SLC60A2: variants seen among roughly 807,000 people sequenced by gnomAD.
The protein encoded by SLC60A2 is major facilitator superfamily domain containing 4B.
chr6:111,264,584 C>T, the SLC60A2 span, among the ~76,000 whole-genome samples: 3 of 152,046 alleles, frequency 2.0e-5, no homozygotes, highest in Admixed American at 1.3e-4. Flanking sequence ...GTCAGGAGAT[C>T]GAGACCATCC....
At chr6:111,279,323 G>A in the SLC60A2 span, among the ~76,000 whole-genome samples, 2 of 150,362 alleles carry the variant, frequency 1.3e-5, no homozygotes, top group African/African-American at 2.5e-5. Flanking sequence ...GTGCAGTGGC[G>A]CTATCTCAGC....
the SLC60A2 span, among the ~76,000 whole-genome samples, chr6:111,274,246 A>G: frequency 6.6e-6 from 1 of 152,208 alleles, no homozygotes; most frequent in Non-Finnish European, 1.5e-5. Flanking sequence ...TCTCTTTATC[A>G]TTATATAATG....
the SLC60A2 span, chr6:111,259,761 G>C: frequency 6.4e-7 from 1 of 1,553,266 alleles, no homozygotes; most frequent in Non-Finnish European, 8.7e-7. Flanking sequence ...CCCAGGCCGG[G>C]GCGTTCGAGT....
chr6:111,271,748 G>C, the SLC60A2 span, among the ~76,000 whole-genome samples: 1 of 107,192 alleles, frequency 9.3e-6, no homozygotes, highest in African/African-American at 3.5e-5. Context: ...GACCAGTCTG[G>C]CCAACATGGC....
chr6:111,267,068 T>G, the SLC60A2 span: 1 of 1,612,836 alleles, frequency 6.2e-7, no homozygotes, highest in South Asian at 1.1e-5. Flanking sequence ...ATACTGGCAG[T>G]GCCCATGTGA....
At chr6:111,271,511 G>A in the SLC60A2 span, among the ~76,000 whole-genome samples, 1 of 151,802 alleles carries the variant, frequency 6.6e-6, no homozygotes, top group Non-Finnish European at 1.5e-5. Flanking sequence ...CTTGAATTTT[G>A]TGTCTAAAGT....
the SLC60A2 span, among the ~76,000 whole-genome samples, chr6:111,279,104 G>A: frequency 3.3e-5 from 5 of 152,074 alleles, no homozygotes; most frequent in Non-Finnish European, 4.4e-5. Context: ...CCAATCCCCC[G>A]TAATTGTAAT....
At chr6:111,272,105 C>G in the SLC60A2 span, among the ~76,000 whole-genome samples, 1 of 152,186 alleles carries the variant, frequency 6.6e-6, no homozygotes, top group African/African-American at 2.4e-5. Context: ...CAGGCTCAAG[C>G]AGTCCTCCTA....
At chr6:111,266,802 C>T in the SLC60A2 span, 9 of 1,613,764 alleles carry the variant, frequency 5.6e-6, no homozygotes, top group Middle Eastern at 1.6e-4. Context: ...ACCTCTTGAT[C>T]GCCAGCGAAA....
chr6:111,277,202 C>T, the SLC60A2 span, among the ~76,000 whole-genome samples: 3 of 152,310 alleles, frequency 2.0e-5, no homozygotes, highest in East Asian at 1.9e-4. Flanking sequence ...TATTGGTAAT[C>T]GATACCTGAA....
the SLC60A2 span, among the ~76,000 whole-genome samples, chr6:111,264,787 C>CAA: frequency 2.6e-4 from 31 of 121,000 alleles, no homozygotes; most frequent in African/African-American, 6.5e-4. Flanking sequence ...GACTCCATCT[C>CAA]AAAAAAAAAA....
chr6:111,274,133 GGT>G, the SLC60A2 span, among the ~76,000 whole-genome samples: 1 of 152,150 alleles, frequency 6.6e-6, no homozygotes, highest in Non-Finnish European at 1.5e-5. Context: ...TGGGATTACA[GGT>G]GTGAGAGCCC....
At chr6:111,273,211 C>T in the SLC60A2 span, among the ~76,000 whole-genome samples, 1 of 152,172 alleles carries the variant, frequency 6.6e-6, no homozygotes, top group African/African-American at 2.4e-5. Flanking sequence ...AGTGCAGTCG[C>T]CTAATCATGG....
chr6:111,261,291 A>T, the SLC60A2 span, among the ~76,000 whole-genome samples: 1 of 152,336 alleles, frequency 6.6e-6, no homozygotes, highest in African/African-American at 2.4e-5. Flanking sequence ...GTTTAACAAC[A>T]TAAAAAACAG....
chr6:111,260,482 C>T, the SLC60A2 span, among the ~76,000 whole-genome samples: 1 of 152,322 alleles, frequency 6.6e-6, no homozygotes, highest in East Asian at 1.9e-4. Flanking sequence ...TTACTCTGCC[C>T]ACCATCCTAT....
the SLC60A2 span, among the ~76,000 whole-genome samples, chr6:111,271,938 A>C: frequency 2.0e-5 from 3 of 152,140 alleles, no homozygotes; most frequent in Non-Finnish European, 4.4e-5. Context: ...ACTGCACTTC[A>C]GCCTGGGTTA....
the SLC60A2 span, among the ~76,000 whole-genome samples, chr6:111,260,476 T>G: frequency 1.3e-5 from 2 of 152,258 alleles, no homozygotes; most frequent in African/African-American, 2.4e-5. Context: ...TGTCTTTTAC[T>G]CTGCCCACCA....
At chr6:111,265,959 G>A in the SLC60A2 span, 6 of 1,614,112 alleles carry the variant, frequency 3.7e-6, no homozygotes, top group East Asian at 1.3e-4. Flanking sequence ...TGCCTTGGGT[G>A]CCTTTTTGGC....
chr6:111,275,991 C>T, the SLC60A2 span, among the ~76,000 whole-genome samples: 338 of 152,304 alleles, frequency 2.2e-3, 1 homozygote, highest in African/African-American at 7.8e-3. Context: ...ATGAATTTGA[C>T]TGCTCAGAGT....
Sources: gnomAD v4.1 joint callset for allele counts (sites outside exome capture counted in the v4.1 genomes callset) on GRCh38, gnomAD v4.1.1 for gene constraint, MANE v1.5 for transcripts, NCBI Gene and HGNC (gene_info 2026-07-23, HGNC 2026-07-21) for gene names.